Variants in FYB2 observed in about 807,000 individuals in gnomAD.
FYB2 encodes the protein FYN-binding protein 2.
In FYB2, 103 loss-of-function variants were observed where a neutral mutation model predicts 94.1. That is an observed-to-expected ratio of 1.09 (90% CI 0.93 to 1.29). The LOEUF (loss-of-function observed/expected upper bound fraction) is 1.29, where lower values mean the gene tolerates loss of function less well. Ranked by LOEUF, FYB2 falls within the 50% of genes most tolerant of loss-of-function variation. FYB2 has a pLI of 0.00. For missense variants in FYB2, 896 were observed against 841.5 expected (o/e 1.06, Z -0.80); for synonymous variants, 293 against 287.9 (o/e 1.02, Z -0.18).
chr1:56,788,918 G>A (rs773858867), intron 3 of FYB2, 55 bp downstream of exon 3: 77 of 1,597,536 alleles, frequency 4.8e-5, no homozygotes, highest in Non-Finnish European at 5.9e-5. Flanking sequence ...GAGAGGATGT[G>A]GAGACGGAGG....
At chr1:56,732,637 A>G (rs1644735814) in intron 15 of FYB2, among the ~76,000 whole-genome samples, 1 of 152,128 alleles carries the variant, frequency 6.6e-6, no homozygotes, top group Admixed American at 6.6e-5. Context: ...AGACACACAA[A>G]CCAATGGAAC....
intron 9 of FYB2, among the ~76,000 whole-genome samples, chr1:56,747,799 G>C (rs2100661242): frequency 6.6e-6 from 1 of 152,146 alleles, no homozygotes; most frequent in East Asian, 1.9e-4. Flanking sequence ...GGTATTTCTG[G>C]TTCTAGATCC....
rs868085118 is a variant in FYB2 at position 56,789,075 on chromosome 1, C to T, written c.817G>A (p.Asp273Asn). ...TTTGGGGGAGGAGGACCCAGGGAGT[C>T]GATGGAGGGCAATGGCTTTGTTTTG... ...LPKTKPLPSIDSLGPPPPKPS... is the reference protein window; with the variant it reads ...LPKTKPLPSINSLGPPPPKPS... The change falls in exon 3 of 20, where the codon GAC becomes AAC. Residue 273 changes from aspartate (D) to asparagine (N), a missense_variant. Transcript: ENST00000343433. 9.3e-6 allele frequency: 15 copies of T among 1,612,734 alleles called. No individual in the cohort carries two copies. Among genetic ancestry groups the T allele is most frequent in the African/African-American group, 6.7e-5 (5 of 74,860 alleles).
intron 12 of FYB2, 59 bp downstream of exon 12, chr1:56,742,102 G>C: frequency 6.7e-7 from 1 of 1,488,178 alleles, no homozygotes; most frequent in Non-Finnish European, 9.3e-7. Context: ...TGAAACTCTG[G>C]CTTTACTAGA....
chr1:56,737,119 A>G lies in FYB2; in HGVS notation c.1761T>C (p.Tyr587=). ...LELKSQEVII[Y]DDVDLSEKES... is the part of the protein sequence containing the mutation. ...CTTTTTCACTCAGGTCTACATCATC[A>G]TAAATAATAACTTCCTGAGACTTAA... Residue 587 remains tyrosine, a synonymous_variant, in exon 15 of 20, where the codon TAT becomes TAC. Coordinates refer to ENST00000343433, the MANE Select transcript of FYB2 (RefSeq NM_001004303.5). 2 of 1,606,966 alleles carry G rather than the reference A, an allele frequency of 1.2e-6. No homozygotes were observed. Among genetic ancestry groups the G allele is most frequent in the Middle Eastern group, 1.7e-4 (1 of 6,016 alleles).
chr1:56,724,428 C>T (rs1419560722), intron 16 of FYB2, among the ~76,000 whole-genome samples: 1 of 151,968 alleles, frequency 6.6e-6, no homozygotes, highest in Non-Finnish European at 1.5e-5. Flanking sequence ...AAAAAGTCAA[C>T]CAAGTCCTGT....
intron 1 of FYB2, among the ~76,000 whole-genome samples, chr1:56,806,619 C>T (rs12047466): frequency 0.047 from 7,149 of 152,204 alleles, 357 homozygotes; most frequent in East Asian, 0.23. Context: ...TGATATTTTG[C>T]AACCTTCAAA....
chr1:56,773,506 A>T (rs1645808480), intron 4 of FYB2, among the ~76,000 whole-genome samples: 1 of 152,160 alleles, frequency 6.6e-6, no homozygotes, highest in Non-Finnish European at 1.5e-5. Flanking sequence ...AGGTTCTCAG[A>T]GCCTTCATTT....
intron 1 of FYB2, among the ~76,000 whole-genome samples, chr1:56,803,143 G>A (rs908349725): frequency 1.3e-5 from 2 of 152,108 alleles, no homozygotes; most frequent in African/African-American, 2.4e-5. Flanking sequence ...TTTTAGAAAG[G>A]TAATATATTA....
rs572056598 is a variant in FYB2 at position 56,818,399 on chromosome 1, A to G, written c.9+883T>C. 2.0e-5 allele frequency among the ~76,000 whole-genome samples: 3 copies of G among 151,810 alleles called. No homozygotes were observed. The South Asian group carries it at 6.3e-4, about 32-fold the overall frequency. Reference sequence around the variant, plus strand: ...ACCAAACTTGTGGGTGAGAAGCCACATGATTCATGGGAGAAAATGACTTGA... The same window carrying G: ...ACCAAACTTGTGGGTGAGAAGCCACGTGATTCATGGGAGAAAATGACTTGA... On this transcript the variant is annotated intron_variant, in intron 1 of 19. Transcript: ENST00000343433.
Position 56,738,638 on chromosome 1 carries a change from C to A in FYB2, c.1719G>T (p.Leu573Phe), listed in dbSNP as rs770138573. 1.4e-5 allele frequency: 22 copies of A among 1,610,348 alleles called. No individual in the cohort carries two copies. The South Asian group carries it at 2.4e-4, about 18-fold the overall frequency. Residue 573 changes from leucine (L) to phenylalanine (F), a missense_variant, in exon 14 of 20, where the codon TTG becomes TTT. Transcript: ENST00000343433. The part of the protein sequence containing the change: ...SKENLSAFSI[L>F]LPDLELKSQE... ...AATGGCACTTACCTAAATCAGGCAG[C>A]AAAATGGAAAATGCACTGTTGATTG...
At chr1:56,798,844 A>G (rs1390435821) in intron 1 of FYB2, among the ~76,000 whole-genome samples, 1 of 152,030 alleles carries the variant, frequency 6.6e-6, no homozygotes, top group African/African-American at 2.4e-5. Flanking sequence ...TAGCAATCAA[A>G]CTCATACAAC....
chr1:56,811,966 C>G (rs572665014), intron 1 of FYB2, among the ~76,000 whole-genome samples: 1 of 151,972 alleles, frequency 6.6e-6, no homozygotes, highest in Admixed American at 6.5e-5. Context: ...TAAGATCACA[C>G]TCTGGTCTTT....
intron 1 of FYB2, among the ~76,000 whole-genome samples, chr1:56,808,608 TG>T (rs963876085): frequency 3.3e-5 from 5 of 152,154 alleles, no homozygotes; most frequent in African/African-American, 1.2e-4. Context: ...TTGCCAGCTG[TG>T]AGGGGCCAGC....
chr1:56,756,647 G>A (rs1329665423), intron 6 of FYB2, among the ~76,000 whole-genome samples: 1 of 152,066 alleles, frequency 6.6e-6, no homozygotes, highest in Non-Finnish European at 1.5e-5. Flanking sequence ...TGCAGCACTG[G>A]TAGAATGACA....
chr1:56,725,351 A>T (rs900113959), intron 16 of FYB2, among the ~76,000 whole-genome samples: 50 of 152,088 alleles, frequency 3.3e-4, no homozygotes, highest in Non-Finnish European at 5.4e-4. Flanking sequence ...AAATCATTTT[A>T]AAAATGATAC....
intron 17 of FYB2, among the ~76,000 whole-genome samples, chr1:56,723,229 A>G (rs543240641): frequency 7.3e-5 from 11 of 151,038 alleles, no homozygotes; most frequent in Non-Finnish European, 1.2e-4. Flanking sequence ...ACACACGCAC[A>G]CACACACACA....
At chr1:56,725,078 T>G (rs1644557695) in intron 16 of FYB2, among the ~76,000 whole-genome samples, 1 of 152,038 alleles carries the variant, frequency 6.6e-6, no homozygotes, top group African/African-American at 2.4e-5. Context: ...CCTTCTGCCA[T>G]GAGTAGAAGC....
chr1:56,742,400 C>A (rs990268347), intron 11 of FYB2, among the ~76,000 whole-genome samples, 179 bp from the exon 12 acceptor site: 2 of 151,982 alleles, frequency 1.3e-5, no homozygotes, highest in Non-Finnish European at 2.9e-5. Context: ...AATACTTAAA[C>A]CTCTATAAAA....
Sources: gnomAD v4.1 joint callset for allele counts (sites outside exome capture counted in the v4.1 genomes callset) on GRCh38, gnomAD v4.1.1 for gene constraint, MANE v1.5 for transcripts, NCBI Gene and HGNC (gene_info 2026-07-23, HGNC 2026-07-21) for gene names.